The following RAB6A variants were observed in gnomAD, a reference collection of about 807,000 sequenced individuals.
RAB6A encodes RAB6A, member RAS oncogene family, also known as ras-related protein Rab-6A.
Under a neutral mutation model 32.3 loss-of-function variants are expected in RAB6A, and 8 were observed. The observed-to-expected ratio is 0.25, with a 90% CI of 0.15 to 0.45. The LOEUF (loss-of-function observed/expected upper bound fraction) is 0.45. Among genes scored for constraint, RAB6A ranks in the 20% least tolerant of loss-of-function variants. The pLI is 1.00. For missense variants in RAB6A, 104 were observed against 249.4 expected, an observed-to-expected ratio of 0.42 and a Z score of 3.93; for synonymous variants, 73 against 82.1, an observed-to-expected ratio of 0.89 and a Z score of 0.60.
At chr11:73,716,188 A>G in intron 5 of RAB6A, 63 bp downstream of exon 5, 4 of 1,274,712 alleles carry the variant, frequency 3.1e-6, no homozygotes, top group Non-Finnish European at 4.5e-6. Flanking sequence ...TTTCTCAGTG[A>G]ACAAAAATAA....
chr11:73,691,379 T>C (rs529618446), intron 6 of RAB6A, among the ~76,000 whole-genome samples: 1 of 152,310 alleles, frequency 6.6e-6, no homozygotes, highest in African/African-American at 2.4e-5. Context: ...CTTGCTGTAT[T>C]GCCATGGTCT....
intron 6 of RAB6A, among the ~76,000 whole-genome samples, chr11:73,692,502 CAAAAAAAAAA>C (rs34201129): frequency 8.9e-5 from 5 of 56,436 alleles, no homozygotes; most frequent in South Asian, 5.8e-4. Context: ...GACTCTGTCT[CAAAAAAAAAA>C]AAAAAAAAAA....
At chr11:73,757,092 T>C (rs1946762128) in intron 1 of RAB6A, among the ~76,000 whole-genome samples, 1 of 89,036 alleles carries the variant, frequency 1.1e-5, no homozygotes, top group Non-Finnish European at 2.2e-5. Context: ...ATCTTAAATA[T>C]ACATACATAT....
intron 2 of RAB6A, among the ~76,000 whole-genome samples, chr11:73,721,817 A>C (rs967374230): frequency 1.3e-5 from 2 of 152,182 alleles, no homozygotes; most frequent in Admixed American, 1.3e-4. Flanking sequence ...TGTGCATTTT[A>C]AAATATGAGT....
At chr11:73,719,435 AGTGTGTGCGCGCACGCATGCACGCGT>A (rs941211263) in intron 3 of RAB6A, among the ~76,000 whole-genome samples, 5 of 152,110 alleles carry the variant, frequency 3.3e-5, no homozygotes, top group Non-Finnish European at 7.4e-5. Flanking sequence ...AGAACATGCG[AGTGTGTGCGCGCACGCATGCACGCGT>A]GTGTGTGTAT....
intron 1 of RAB6A, among the ~76,000 whole-genome samples, chr11:73,739,936 G>A (rs993422272): frequency 6.6e-6 from 1 of 151,942 alleles, no homozygotes; most frequent in Non-Finnish European, 1.5e-5. Flanking sequence ...GCACACACCT[G>A]TAGTCCCAGC....
chr11:73,680,422 C>T (rs542621243), intron 6 of RAB6A, among the ~76,000 whole-genome samples: 1 of 152,240 alleles, frequency 6.6e-6, no homozygotes, highest in South Asian at 2.1e-4. Context: ...TTTGGGAGGC[C>T]AAGGGGTGTG....
intron 6 of RAB6A, among the ~76,000 whole-genome samples, chr11:73,698,849 A>ATTTTTTTTTTTTTTTTTTTTTT (rs555410867): frequency 8.5e-6 from 1 of 118,276 alleles, no homozygotes. Context: ...TTTTTTTGCG[A>ATTTTTTTTTTTTTTTTTTTTTT]TTTTTTTTTT....
chr11:73,680,832 G>C (rs1945344860), intron 6 of RAB6A, among the ~76,000 whole-genome samples: 1 of 152,162 alleles, frequency 6.6e-6, no homozygotes, highest in African/African-American at 2.4e-5. Context: ...AGTGTCAGTG[G>C]GAGTGGCTGG....
chr11:73,722,960 C>T (rs925098333), intron 2 of RAB6A, among the ~76,000 whole-genome samples: 1 of 152,090 alleles, frequency 6.6e-6, no homozygotes, highest in Non-Finnish European at 1.5e-5. Flanking sequence ...GCATTCACCA[C>T]CAAGCCCAGC....
chr11:73,685,439 T>G (rs1044729728), intron 6 of RAB6A, among the ~76,000 whole-genome samples: 2 of 151,302 alleles, frequency 1.3e-5, no homozygotes, highest in African/African-American at 2.4e-5. Context: ...CAGGTGCCTG[T>G]GCCACACCCG....
rs184612690 is a variant in RAB6A at position 73,759,310 on chromosome 11, C to T, written c.70+1256G>A. ...TAATCATCTCTGAATTGTCGAGTGT[C>T]AAGTTTGTATAATACAGCATAAAAC... On this transcript the variant is annotated intron_variant, in intron 1 of 7. Coordinates refer to ENST00000336083, the MANE Select transcript of RAB6A (RefSeq NM_198896.2). Among the ~76,000 whole-genome samples the T allele has an allele frequency of 3.0e-3, 457 of 151,856 alleles. 3 individuals are homozygous for T. Among genetic ancestry groups the T allele is most frequent in the African/African-American group, 0.01 (426 of 41,400 alleles).
chr11:73,736,014 A>G (rs916785928), intron 1 of RAB6A, among the ~76,000 whole-genome samples: 4 of 150,904 alleles, frequency 2.7e-5, no homozygotes, highest in African/African-American at 7.3e-5. Context: ...AACAGAGTGC[A>G]GTGGCATGAT....
At chr11:73,705,887 G>T (rs1278643415) in intron 6 of RAB6A, among the ~76,000 whole-genome samples, 1 of 151,994 alleles carries the variant, frequency 6.6e-6, no homozygotes, top group Non-Finnish European at 1.5e-5. Context: ...AGGTGTCACA[G>T]ACAGGAGGTA....
At position 73,744,503 on chromosome 11, in the gene RAB6A, C is replaced by A. The variant is rs557408228; in HGVS notation, c.71-13680G>T. Among the ~76,000 whole-genome samples, 613 of 96,036 alleles carry A rather than the reference C, an allele frequency of 6.4e-3. 8 individuals carry two copies. Among genetic ancestry groups the A allele is most frequent in the African/African-American group, 0.025 (557 of 22,702 alleles). 63.0% of individuals were successfully genotyped at this position (96,036 alleles called of 152,430 possible). On this transcript the variant is annotated intron_variant, in intron 1 of 7. Coordinates refer to ENST00000336083, the MANE Select transcript of RAB6A (RefSeq NM_198896.2). Reference sequence around the variant, plus strand: ...TCCAGCCTGGGCAACAGAGTGAGACCCTGTCTCCAAAAAAAAAAAAAAAAA... The same window carrying A: ...TCCAGCCTGGGCAACAGAGTGAGACACTGTCTCCAAAAAAAAAAAAAAAAA...
At chr11:73,696,219 C>T (rs182599077) in intron 6 of RAB6A, among the ~76,000 whole-genome samples, 138 of 152,006 alleles carry the variant, frequency 9.1e-4, no homozygotes, top group Non-Finnish European at 1.5e-3. Flanking sequence ...TTTATTGAGA[C>T]GGAATTTTGT....
At chr11:73,723,541 C>T (rs1472487509) in intron 2 of RAB6A, among the ~76,000 whole-genome samples, 2 of 152,020 alleles carry the variant, frequency 1.3e-5, no homozygotes, top group East Asian at 1.9e-4. Context: ...GTTGGCCAGG[C>T]TGGTCTCGAA....
chr11:73,760,076 C>G, intron 1 of RAB6A: 1 of 1,290,090 alleles, frequency 7.8e-7, no homozygotes, highest in Non-Finnish European at 1.0e-6. Flanking sequence ...TTCGCAGGGC[C>G]AAGCCTCTGG....
intron 1 of RAB6A, among the ~76,000 whole-genome samples, chr11:73,742,583 A>T (rs1383476964): frequency 3.3e-5 from 5 of 152,032 alleles, no homozygotes; most frequent in African/African-American, 1.2e-4. Flanking sequence ...AGGCTGAGGC[A>T]GGTGGATCAC....
Sources: allele counts gnomAD v4.1 joint callset (sites outside exome capture counted in the v4.1 genomes callset), GRCh38; gene constraint gnomAD v4.1.1; transcripts MANE v1.5; gene names NCBI Gene and HGNC (gene_info 2026-07-23, HGNC 2026-07-21).